ABCA12: variants seen among roughly 807,000 people sequenced by gnomAD.
The protein encoded by ABCA12 is glucosylceramide transporter ABCA12.
In ABCA12, 156 loss-of-function variants were observed where a neutral mutation model predicts 293.5. The ratio of observed to expected loss-of-function variants is 0.53; its 90% CI spans 0.47 to 0.61. ABCA12 has a LOEUF of 0.61. Among genes scored for constraint, ABCA12 ranks in the 20% least tolerant of loss-of-function variants. The pLI is 0.00. For synonymous variants in ABCA12, 1,063 were observed against 1,108.0 expected, an observed-to-expected ratio of 0.96 and a Z score of 0.81; for missense variants, 2,797 against 3,090.2, an observed-to-expected ratio of 0.91 and a Z score of 2.25.
chr2:214,990,293 C>T (rs922616500), intron 24 of ABCA12, among the ~76,000 whole-genome samples: 1 of 152,096 alleles, frequency 6.6e-6, no homozygotes, highest in East Asian at 1.9e-4. Context: ...GCTGTTGGTG[C>T]ATTTGTCTTT....
chr2:215,048,881 T>A (rs1338332603), intron 6 of ABCA12, among the ~76,000 whole-genome samples: 3 of 152,188 alleles, frequency 2.0e-5, no homozygotes, highest in Non-Finnish European at 2.9e-5. Context: ...GAGGCCATTA[T>A]CCTTAGCAAA....
At chr2:215,025,596 T>G in intron 11 of ABCA12, 77 bp downstream of exon 11, 1 of 852,682 alleles carries the variant, frequency 1.2e-6, no homozygotes, top group Non-Finnish European at 1.7e-6. Flanking sequence ...TGAGAAGTGT[T>G]AAGGTTTTTT....
intron 20 of ABCA12, among the ~76,000 whole-genome samples, chr2:215,003,709 C>T (rs1042891689): frequency 1.5e-4 from 23 of 151,558 alleles, no homozygotes; most frequent in African/African-American, 5.6e-4. Context: ...CTCCTGTCAC[C>T]CAGGCTGAAG....
At chr2:214,933,510 T>G (rs1403430371) in intron 52 of ABCA12, among the ~76,000 whole-genome samples, 1 of 152,178 alleles carries the variant, frequency 6.6e-6, no homozygotes, top group East Asian at 1.9e-4. Flanking sequence ...ACTTTCTATA[T>G]GTCATGTTGG....
At chr2:215,046,039 G>A (rs1701195209) in intron 6 of ABCA12, 24 bp from the exon 7 acceptor site, 1 of 1,607,458 alleles carries the variant, frequency 6.2e-7, no homozygotes, top group Non-Finnish European at 8.5e-7. Context: ...ACCACAAACA[G>A]AGCAAAATGA....
In ABCA12 at chr2:215,002,984, T is replaced by C. The variant is rs1470211855; in HGVS notation, c.2683+1225A>G. On this transcript the variant is annotated intron_variant, in intron 20 of 52. Transcript: ENST00000272895. Reference sequence around the variant, plus strand: ...GTTTAGCCCTGATGTGTTAATCAAATAGTTCCTTGCCCAAATGATACTTTT... The same window carrying C: ...GTTTAGCCCTGATGTGTTAATCAAACAGTTCCTTGCCCAAATGATACTTTT... 3.9e-5 allele frequency among the ~76,000 whole-genome samples: 6 copies of C among 152,212 alleles called. No homozygotes were observed. In the East Asian group the frequency reaches 1.2e-3, roughly 29 times the overall value.
At chr2:214,983,344 G>T (rs568306664) in intron 29 of ABCA12, among the ~76,000 whole-genome samples, 10 of 152,144 alleles carry the variant, frequency 6.6e-5, no homozygotes, top group Non-Finnish European at 1.2e-4. Context: ...CAAGAGATGA[G>T]TGAAATCCAA....
intron 3 of ABCA12, among the ~76,000 whole-genome samples, 154 bp downstream of exon 3, chr2:215,063,912 A>G (rs1188635021): frequency 6.6e-6 from 1 of 152,064 alleles, no homozygotes; most frequent in Admixed American, 6.6e-5. Context: ...ATTCCAGTTT[A>G]TACCTACTTT....
chr2:214,988,018 A>T (rs1699825123), intron 26 of ABCA12, among the ~76,000 whole-genome samples: 1 of 152,172 alleles, frequency 6.6e-6, no homozygotes, highest in African/African-American at 2.4e-5. Flanking sequence ...AACTTATCTA[A>T]CTGTACACTT....
At chr2:215,110,887 T>C (rs1702559136) in intron 2 of ABCA12, among the ~76,000 whole-genome samples, 1 of 152,208 alleles carries the variant, frequency 6.6e-6, no homozygotes, top group South Asian at 2.1e-4. Flanking sequence ...TGGTTTGACT[T>C]TTCCTCCTCT....
chr2:215,090,014 G>A (rs1378040822), intron 2 of ABCA12, among the ~76,000 whole-genome samples: 1 of 152,152 alleles, frequency 6.6e-6, no homozygotes, highest in African/African-American at 2.4e-5. Context: ...CAAAAGAAGT[G>A]AAAATGGCCG....
intron 2 of ABCA12, among the ~76,000 whole-genome samples, chr2:215,076,683 T>C (rs768445186): frequency 1.8e-4 from 27 of 152,056 alleles, no homozygotes; most frequent in Non-Finnish European, 2.8e-4. Flanking sequence ...AGGAGACATA[T>C]AAAAGAATAT....
chr2:214,990,953 T>G lies in ABCA12; in HGVS notation c.3373A>C (p.Thr1125Pro). ...AGTATAATGATGAGGATCACGATGG[T>G]AACCAGTAAAAATCCAACACTCTCT... ...LIESVGFLLV[T>P]IVILIIILKF... Residue 1125 changes from threonine (T) to proline (P), a missense_variant, in exon 24 of 53, where the codon ACC (threonine) becomes CCC (proline). This residue lies in a region of ABCA12 where 2,130 missense variants were observed against 2,427.0 expected (regional missense o/e 0.88). Coordinates refer to ENST00000272895, the MANE Select transcript of ABCA12 (RefSeq NM_173076.3). 6.2e-7 allele frequency: 1 copy of G among 1,614,062 alleles called. No individual in the cohort carries two copies. Among genetic ancestry groups the G allele is most frequent in the Middle Eastern group, 1.6e-4 (1 of 6,062 alleles).
At position 214,982,348 on chromosome 2, in the gene ABCA12, T is replaced by C; in HGVS notation, c.4418A>G (p.His1473Arg). The C allele has an allele frequency of 1.2e-6, 2 of 1,614,078 alleles. No individual in the cohort carries two copies. The highest frequency in any genetic ancestry group is 1.3e-5 in the African/African-American group (1 of 75,048). Reference sequence around the variant, plus strand: ...TCCTGACAGTGTTCCAACTCTCTTATGACGATGGCTATATAGTCCAGTATC... The same window carrying C: ...TCCTGACAGTGTTCCAACTCTCTTACGACGATGGCTATATAGTCCAGTATC... ...LKDTGLYSHRHKRVGTLSGGM... is the reference protein window; with the variant it reads ...LKDTGLYSHRRKRVGTLSGGM... The change falls in exon 30 of 53, where the codon CAT becomes CGT. Residue 1473 changes from histidine to arginine, a missense_variant. Coordinates refer to ENST00000272895, the MANE Select transcript of ABCA12 (RefSeq NM_173076.3).
chr2:215,075,785 G>A (rs1701823189), intron 2 of ABCA12: 1 of 504,314 alleles, frequency 2.0e-6, no homozygotes, highest in Non-Finnish European at 3.5e-6. Context: ...TTTTCACTTG[G>A]AAATCTGACT....
intron 19 of ABCA12, among the ~76,000 whole-genome samples, chr2:215,005,916 T>C (rs902196717): frequency 6.6e-6 from 1 of 152,292 alleles, no homozygotes; most frequent in Non-Finnish European, 1.5e-5. Flanking sequence ...ATATACTAAT[T>C]TTAGAGATCC....
chr2:214,967,972 T>TA (rs2105948987), intron 38 of ABCA12, among the ~76,000 whole-genome samples: 1 of 152,306 alleles, frequency 6.6e-6, no homozygotes, highest in Non-Finnish European at 1.5e-5. Flanking sequence ...AGGTATAATC[T>TA]AAAAGGAAAA....
chr2:215,019,824 A>G, intron 11 of ABCA12, 28 bp from the exon 12 acceptor site: 1 of 1,604,032 alleles, frequency 6.2e-7, no homozygotes, highest in Non-Finnish European at 8.5e-7. Context: ...AGAGTGGGAA[A>G]TAGATTAGTT....
intron 42 of ABCA12, among the ~76,000 whole-genome samples, chr2:214,955,604 T>C (rs1293392656): frequency 6.6e-6 from 1 of 152,152 alleles, no homozygotes. Flanking sequence ...GATCAAGCTG[T>C]GGTGAGCTGT....
Sources: allele counts gnomAD v4.1 joint callset (sites outside exome capture counted in the v4.1 genomes callset), GRCh38; gene constraint gnomAD v4.1.1; regional missense constraint gnomAD v4.1.1; transcripts MANE v1.5; gene names NCBI Gene and HGNC (gene_info 2026-07-23, HGNC 2026-07-21).